PABPC4L: variants seen among roughly 807,000 people sequenced by gnomAD.
PABPC4L encodes polyadenylate-binding protein 4-like.
For missense variants in PABPC4L, 452 were observed against 451.4 expected, an observed-to-expected ratio of 1.00 and a Z score of -0.01; for synonymous variants, 169 against 164.1, an observed-to-expected ratio of 1.03 and a Z score of -0.23.
At chr4:133,996,585 C>T in the PABPC4L span, among the ~76,000 whole-genome samples, 1 of 152,150 alleles carries the variant, frequency 6.6e-6, no homozygotes, top group Non-Finnish European at 1.5e-5. Context: ...TGTGCAGTCT[C>T]TTCACCTTCA....
Position 134,200,445 on chromosome 4 carries a change from A to C in PABPC4L, c.575T>G (p.Val192Gly). The change falls in exon 2 of 2, where the codon GTT becomes GGT. Residue 192 changes from valine (V) to glycine (G), a missense_variant. Physicochemically the swap from Val to Gly is moderately radical, Grantham distance 109. Coordinates refer to ENST00000421491, the MANE Select transcript of PABPC4L (RefSeq NM_001114734.2). ...LRSKASEFTN[V>G]YIKNFGGDMD... is the part of the protein sequence containing the mutation. ...GTCACCTCCAAAGTTTTTTATGTAA[A>C]CATTGGTGAATTCACTGGCTTTGCT... 1 of 1,551,966 alleles carries C rather than the reference A, an allele frequency of 6.4e-7. No homozygotes were observed. Among genetic ancestry groups the C allele is most frequent in the Non-Finnish European group, 8.7e-7 (1 of 1,147,106 alleles).
the PABPC4L span, among the ~76,000 whole-genome samples, chr4:134,110,951 A>G: frequency 1.3e-5 from 2 of 152,062 alleles, no homozygotes; most frequent in Non-Finnish European, 2.9e-5. Flanking sequence ...ATATATGTAT[A>G]CACACACGTG....
chr4:134,058,523 A>G, the PABPC4L span, among the ~76,000 whole-genome samples: 1 of 151,980 alleles, frequency 6.6e-6, no homozygotes, highest in East Asian at 1.9e-4. Flanking sequence ...TTATTGCAAC[A>G]AGATGGAAAT....
At chr4:134,133,500 C>G in the PABPC4L span, among the ~76,000 whole-genome samples, 1 of 148,006 alleles carries the variant, frequency 6.8e-6, no homozygotes, top group Non-Finnish European at 1.5e-5. Context: ...ACTACTCAGC[C>G]ATAAAAATGA....
chr4:134,147,037 T>A, the PABPC4L span, among the ~76,000 whole-genome samples: 1 of 152,138 alleles, frequency 6.6e-6, no homozygotes, highest in African/African-American at 2.4e-5. Flanking sequence ...CAGTGAAGTG[T>A]ACTTTATTTT....
At chr4:134,036,746 T>C in the PABPC4L span, among the ~76,000 whole-genome samples, 1 of 152,042 alleles carries the variant, frequency 6.6e-6, no homozygotes, top group Non-Finnish European at 1.5e-5. Context: ...ACTATAGCCT[T>C]GTAGTTTAAT....
chr4:134,059,044 G>C, the PABPC4L span, among the ~76,000 whole-genome samples: 4 of 151,972 alleles, frequency 2.6e-5, no homozygotes, highest in Admixed American at 6.6e-5. Flanking sequence ...TCAAGAGAAG[G>C]GGGTAAACGG....
At chr4:134,159,632 A>T in the PABPC4L span, among the ~76,000 whole-genome samples, 3,414 of 152,246 alleles carry the variant, frequency 0.022, 127 homozygotes, top group African/African-American at 0.077. Context: ...TTGAGGAAAC[A>T]TGAGTCTCAG....
the PABPC4L span, among the ~76,000 whole-genome samples, chr4:133,949,114 TG>T: frequency 4.7e-4 from 71 of 152,180 alleles, no homozygotes; most frequent in Non-Finnish European, 7.5e-4. Flanking sequence ...TTGTGTGGCA[TG>T]GGGGCCCTTA....
At chr4:134,013,755 A>C in the PABPC4L span, among the ~76,000 whole-genome samples, 1 of 152,074 alleles carries the variant, frequency 6.6e-6, no homozygotes, top group East Asian at 2.0e-4. Context: ...CTGTCCCCTC[A>C]GTCCCAACCC....
chr4:134,035,872 T>G, the PABPC4L span, among the ~76,000 whole-genome samples: 1 of 152,094 alleles, frequency 6.6e-6, no homozygotes, highest in East Asian at 1.9e-4. Context: ...TAATATATTT[T>G]CATTTGCTTG....
chr4:134,092,922 T>G, the PABPC4L span, among the ~76,000 whole-genome samples: 1 of 152,234 alleles, frequency 6.6e-6, no homozygotes, highest in African/African-American at 2.4e-5. Flanking sequence ...TATTTTTTTC[T>G]ACGGAAATTT....
chr4:133,987,386 C>T, the PABPC4L span, among the ~76,000 whole-genome samples: 6 of 152,082 alleles, frequency 3.9e-5, no homozygotes, highest in Non-Finnish European at 8.8e-5. Context: ...TTTGTAATTT[C>T]TGGGAACAAT....
rs1411047296 is a variant in PABPC4L, at chr4:134,197,815, A to G, written c.*2092T>C. 6.6e-6 allele frequency: 1 copy of G among 151,786 alleles called. No individual in the cohort carries two copies. The highest frequency in any genetic ancestry group is 1.5e-5 in the Non-Finnish European group (1 of 67,702). 9.4% of individuals were successfully genotyped at this position (151,786 alleles called of 1,614,324 possible). A position where few individuals can be genotyped will look rare whatever the true frequency, so the allele number is the denominator to read the frequency against. ...AAAAAACCCTTGTTTCTTGGAGCAT[A>G]TGGAAATAGGCATTCTCCTACAATG... On this transcript the variant is annotated 3_prime_UTR_variant, in exon 2 of 2. Transcript: ENST00000421491.
the PABPC4L span, among the ~76,000 whole-genome samples, chr4:134,179,190 C>G: frequency 2.6e-5 from 4 of 152,064 alleles, no homozygotes; most frequent in Non-Finnish European, 5.9e-5. Flanking sequence ...ATCGGGCAAA[C>G]AGCAGACCTG....
At chr4:134,045,690 C>A in the PABPC4L span, among the ~76,000 whole-genome samples, 1 of 152,108 alleles carries the variant, frequency 6.6e-6, no homozygotes, top group Non-Finnish European at 1.5e-5. Flanking sequence ...CATGATCCTG[C>A]AATTTTGCCG....
In PABPC4L at chr4:134,200,367, C is replaced by T. The variant is rs758601102; in HGVS notation, c.653G>A (p.Ser218Asn). 2 of 1,587,670 alleles carry T rather than the reference C, an allele frequency of 1.3e-6. No individual in the cohort carries two copies. Among genetic ancestry groups the T allele is most frequent in the Admixed American group, 3.5e-5 (2 of 56,870 alleles). The change falls in exon 2 of 2, where the codon AGT (serine) becomes AAT (asparagine). Residue 218 changes from serine (S) to asparagine (N), a missense_variant. By Grantham distance (46) the Ser-to-Asn change is conservative (BLOSUM62 1). Coordinates refer to ENST00000421491, the MANE Select transcript of PABPC4L (RefSeq NM_001114734.2). The part of the protein sequence containing the change: ...DVFSKYGKTL[S>N]VKVMTDSSGK... ...ACTGGAATCTGTCATCACCTTAACA[C>T]TCAGAGTTTTGCCATATTTGCTGAA...
At chr4:134,118,639 A>C in the PABPC4L span, among the ~76,000 whole-genome samples, 1 of 151,654 alleles carries the variant, frequency 6.6e-6, no homozygotes, top group Middle Eastern at 3.2e-3. Context: ...CTTATTGCTG[A>C]TATTTTATAT....
the PABPC4L span, among the ~76,000 whole-genome samples, chr4:133,989,080 A>G: frequency 1.3e-5 from 2 of 152,098 alleles, no homozygotes; most frequent in Non-Finnish European, 2.9e-5. Context: ...ACAGAGCAAG[A>G]GTTCCTGGGC....
Sources: gnomAD v4.1 joint callset for allele counts (sites outside exome capture counted in the v4.1 genomes callset) on GRCh38, gnomAD v4.1.1 for gene constraint, MANE v1.5 for transcripts, NCBI Gene and HGNC (gene_info 2026-07-23, HGNC 2026-07-21) for gene names.